The following PLXDC2 variants were observed in gnomAD, a reference collection of about 807,000 sequenced individuals.
The protein encoded by PLXDC2 is plexin domain-containing protein 2.
In PLXDC2, 40 loss-of-function variants were observed where a neutral mutation model predicts 68.9. That is an observed-to-expected ratio of 0.58 (90% CI 0.45 to 0.76). The LOEUF is 0.76. Among genes scored for constraint, PLXDC2 ranks in the 30% least tolerant of loss-of-function variants. The probability of loss-of-function intolerance (pLI) is 0.00; values close to 1 mark genes in which losing one functional copy is unlikely to be tolerated. For synonymous variants in PLXDC2, 243 were observed against 234.2 expected (o/e 1.04, Z -0.34); for missense variants, 644 against 661.9 (o/e 0.97, Z 0.30).
chr10:19,891,889 A>T (rs1363882126), intron 1 of PLXDC2, among the ~76,000 whole-genome samples: 1 of 152,194 alleles, frequency 6.6e-6, no homozygotes, highest in Non-Finnish European at 1.5e-5. Context: ...TTTTGTTTTT[A>T]CAGAATAGGT....
At chr10:20,267,525 C>A (rs1266452963) in intron 13 of PLXDC2, among the ~76,000 whole-genome samples, 1 of 152,092 alleles carries the variant, frequency 6.6e-6, no homozygotes, top group African/African-American at 2.4e-5. Context: ...CAACCAGGAG[C>A]TAAAACCAAA....
At chr10:19,860,060 A>C (rs1055526772) in intron 1 of PLXDC2, among the ~76,000 whole-genome samples, 2 of 152,124 alleles carry the variant, frequency 1.3e-5, no homozygotes, top group Admixed American at 1.3e-4. Flanking sequence ...AGAAAATCCT[A>C]CTTTAGGTGA....
intron 1 of PLXDC2, among the ~76,000 whole-genome samples, chr10:19,897,969 GA>G (rs1250467729): frequency 6.6e-6 from 1 of 151,776 alleles, no homozygotes; most frequent in African/African-American, 2.4e-5. Flanking sequence ...CAATGAAACT[GA>G]AAAAAATACC....
Position 20,171,233 on chromosome 10 carries a change from G to A in PLXDC2, c.884-5766G>A, listed in dbSNP as rs16919991. Among the ~76,000 whole-genome samples the A allele has an allele frequency of 5.7e-3, 865 of 152,122 alleles. 12 individuals carry two copies. The highest frequency in any genetic ancestry group is 0.02 in the African/African-American group (836 of 41,518). ...AGCCCTTTCAGAGGAACTAGGCCTC[G>A]TTTGTTATTTTCAAAGTTGTAGTCT... On this transcript the variant is annotated intron_variant, in intron 7 of 13. Coordinates refer to ENST00000377252, the MANE Select transcript of PLXDC2 (RefSeq NM_032812.9).
intron 12 of PLXDC2, among the ~76,000 whole-genome samples, chr10:20,238,944 CT>C: frequency 6.6e-6 from 1 of 151,718 alleles, no homozygotes; most frequent in South Asian, 2.1e-4. Flanking sequence ...TTGATTTTCT[CT>C]GCTTCATTTT....
intron 1 of PLXDC2, among the ~76,000 whole-genome samples, chr10:19,857,814 A>G (rs1837243729): frequency 6.6e-6 from 1 of 152,202 alleles, no homozygotes; most frequent in South Asian, 2.1e-4. Context: ...GAGTAGATGT[A>G]AAGAAATCTT....
At chr10:20,185,441 G>T (rs1443189899) in intron 9 of PLXDC2, among the ~76,000 whole-genome samples, 1 of 151,804 alleles carries the variant, frequency 6.6e-6, no homozygotes, top group African/African-American at 2.4e-5. Flanking sequence ...CATCCTTCAG[G>T]GGCATATAAA....
intron 13 of PLXDC2, among the ~76,000 whole-genome samples, chr10:20,273,100 G>A (rs1348439405): frequency 1.3e-5 from 2 of 152,176 alleles, no homozygotes; most frequent in Admixed American, 6.5e-5. Context: ...TTGTAAAGAC[G>A]GAAAAACAGA....
chr10:19,847,430 G>C (rs7900249), intron 1 of PLXDC2, among the ~76,000 whole-genome samples: 50,288 of 152,042 alleles, frequency 0.33, 8,805 homozygotes, highest in Non-Finnish European at 0.4. Context: ...GTCATTATCT[G>C]TGGTGGAAAA....
intron 1 of PLXDC2, among the ~76,000 whole-genome samples, chr10:19,843,143 C>A (rs1189577024): frequency 1.3e-5 from 2 of 151,910 alleles, no homozygotes; most frequent in South Asian, 4.1e-4. Context: ...GGTTTCCCAC[C>A]AAGGTAGTTT....
intron 2 of PLXDC2, among the ~76,000 whole-genome samples, chr10:20,009,819 T>C (rs1835081588): frequency 6.6e-6 from 1 of 151,186 alleles, no homozygotes; most frequent in South Asian, 2.1e-4. Flanking sequence ...TTAGAATTTA[T>C]CAGGAAGGTA....
At chr10:20,094,606 T>C (rs1350449546) in intron 4 of PLXDC2, among the ~76,000 whole-genome samples, 7 of 152,166 alleles carry the variant, frequency 4.6e-5, no homozygotes, top group Non-Finnish European at 7.3e-5. Flanking sequence ...TCATAGAAAG[T>C]TATAGAGGCT....
intron 9 of PLXDC2, among the ~76,000 whole-genome samples, chr10:20,209,395 G>A (rs1342244121): frequency 6.6e-6 from 1 of 151,958 alleles, no homozygotes; most frequent in South Asian, 2.1e-4. Flanking sequence ...GTGGGGTGGG[G>A]GAAGAGGGGA....
intron 6 of PLXDC2, among the ~76,000 whole-genome samples, chr10:20,163,881 C>A (rs1177826924): frequency 6.6e-6 from 1 of 151,920 alleles, no homozygotes; most frequent in African/African-American, 2.4e-5. Flanking sequence ...TTGAGATGAC[C>A]CATAAGAACT....
chr10:20,126,342 T>C (rs186610013), intron 4 of PLXDC2, among the ~76,000 whole-genome samples: 250 of 135,190 alleles, frequency 1.8e-3, no homozygotes, highest in Non-Finnish European at 2.8e-3. Context: ...CGTTATATAA[T>C]ACATATATAC....
intron 1 of PLXDC2, among the ~76,000 whole-genome samples, chr10:19,961,541 T>C (rs1480133981): frequency 6.6e-6 from 1 of 152,240 alleles, no homozygotes; most frequent in Non-Finnish European, 1.5e-5. Context: ...CGTTGTCTTA[T>C]GACATGATCA....
chr10:20,058,335 T>C (rs991235047), intron 3 of PLXDC2, among the ~76,000 whole-genome samples: 2 of 152,136 alleles, frequency 1.3e-5, no homozygotes, highest in Admixed American at 6.6e-5. Flanking sequence ...TCAACACACA[T>C]GGACTTGGAA....
chr10:20,177,300 G>A, intron 8 of PLXDC2, 28 bp from the exon 9 acceptor site: 2 of 1,537,948 alleles, frequency 1.3e-6, no homozygotes, highest in Non-Finnish European at 1.8e-6. Flanking sequence ...TGTTAGTCTT[G>A]GTGAATCTGT....
chr10:19,965,163 G>T (rs1589559799), intron 1 of PLXDC2, among the ~76,000 whole-genome samples: 1 of 152,110 alleles, frequency 6.6e-6, no homozygotes, highest in African/African-American at 2.4e-5. Flanking sequence ...CTTTGCTTGA[G>T]GGTGCTATTA....
Sources: allele counts gnomAD v4.1 joint callset (sites outside exome capture counted in the v4.1 genomes callset), GRCh38; gene constraint gnomAD v4.1.1; transcripts MANE v1.5; gene names NCBI Gene and HGNC (gene_info 2026-07-23, HGNC 2026-07-21).